The following DLGAP1 variants were observed in gnomAD, a reference collection of about 807,000 sequenced individuals.
DLGAP1 encodes DLG associated protein 1.
A neutral mutation model predicts 90.8 loss-of-function variants in DLGAP1; 11 were observed. That is an observed-to-expected ratio of 0.12 (90% confidence interval 0.08 to 0.20). The LOEUF is 0.20. Ranked by LOEUF, DLGAP1 falls within the 10% of genes least tolerant of loss-of-function variation. The probability of loss-of-function intolerance (pLI) is 1.00; values close to 1 mark genes in which losing one functional copy is unlikely to be tolerated. For synonymous variants in DLGAP1, 558 were observed against 540.7 expected (o/e 1.03, Z -0.44); for missense variants, 1,050 against 1,333.8 (o/e 0.79, Z 3.31).
At chr18:3,559,261 T>A (rs2144964595) in intron 9 of DLGAP1, among the ~76,000 whole-genome samples, 1 of 152,350 alleles carries the variant, frequency 6.6e-6, no homozygotes, top group East Asian at 1.9e-4. Flanking sequence ...TTTTACATTT[T>A]ATTTTCACAT....
At chr18:4,072,448 A>G (rs1167772545) in intron 2 of DLGAP1, among the ~76,000 whole-genome samples, 1 of 150,216 alleles carries the variant, frequency 6.7e-6, no homozygotes, top group Non-Finnish European at 1.5e-5. Context: ...CATGATCAAC[A>G]TCATCATCAT....
chr18:4,230,314 G>T (rs1302611340), intron 1 of DLGAP1, among the ~76,000 whole-genome samples: 1 of 151,952 alleles, frequency 6.6e-6, no homozygotes, highest in Admixed American at 6.6e-5. Context: ...TCGTATTATC[G>T]AAGAGATATC....
intron 2 of DLGAP1, among the ~76,000 whole-genome samples, chr18:4,082,341 C>CAAAAA (rs34416813): frequency 0.19 from 15,121 of 78,306 alleles, 1,905 homozygotes; most frequent in Non-Finnish European, 0.28. Context: ...GACTCCATCT[C>CAAAAA]AAAAAAAAAA....
chr18:3,874,884 G>A (rs985939196), intron 4 of DLGAP1: 17 of 801,206 alleles, frequency 2.1e-5, no homozygotes, highest in African/African-American at 1.6e-4. Context: ...ACAATTGACC[G>A]TATTAACTGG....
chr18:4,434,930 G>A (rs575626915), intron 1 of DLGAP1, among the ~76,000 whole-genome samples: 1 of 152,310 alleles, frequency 6.6e-6, no homozygotes, highest in Non-Finnish European at 1.5e-5. Context: ...ACCTCATGAT[G>A]TAGAGGAGTA....
chr18:3,523,034 G>C (rs932148168), intron 10 of DLGAP1, among the ~76,000 whole-genome samples: 2 of 152,082 alleles, frequency 1.3e-5, no homozygotes, highest in African/African-American at 4.8e-5. Context: ...AAATAAATGA[G>C]ACTGTGTAAA....
intron 1 of DLGAP1, among the ~76,000 whole-genome samples, chr18:4,246,400 CAT>C (rs1194046292): frequency 6.6e-6 from 1 of 152,150 alleles, no homozygotes; most frequent in Non-Finnish European, 1.5e-5. Flanking sequence ...TTTCCAGTAA[CAT>C]AAAAGTGCAC....
intron 2 of DLGAP1, among the ~76,000 whole-genome samples, chr18:4,030,454 A>T (rs987086162): frequency 6.6e-6 from 1 of 152,238 alleles, no homozygotes; most frequent in African/African-American, 2.4e-5. Context: ...TAAGGAATCC[A>T]GGAATGGCCA....
chr18:4,268,266 A>G (rs747253813), intron 1 of DLGAP1, among the ~76,000 whole-genome samples: 11 of 152,248 alleles, frequency 7.2e-5, no homozygotes, highest in Non-Finnish European at 1.6e-4. Flanking sequence ...AGTTATTGGA[A>G]TATGAACATT....
chr18:3,945,284 A>G (rs2072854790), intron 3 of DLGAP1, among the ~76,000 whole-genome samples: 1 of 152,242 alleles, frequency 6.6e-6, no homozygotes, highest in Non-Finnish European at 1.5e-5. Context: ...AACTGTGCCT[A>G]ATAGTTTGCT....
intron 10 of DLGAP1, among the ~76,000 whole-genome samples, chr18:3,529,042 A>G (rs992057778): frequency 3.3e-5 from 5 of 152,300 alleles, no homozygotes; most frequent in East Asian, 1.9e-4. Flanking sequence ...AGAGCTCATC[A>G]TCTGTCACGG....
At chr18:4,135,472 A>C (rs1246260603) in intron 2 of DLGAP1, among the ~76,000 whole-genome samples, 1 of 152,200 alleles carries the variant, frequency 6.6e-6, no homozygotes, top group Non-Finnish European at 1.5e-5. Flanking sequence ...TGCTATTTAA[A>C]CATTTAGTAA....
intron 1 of DLGAP1, among the ~76,000 whole-genome samples, chr18:4,249,447 CAA>C (rs11301773): frequency 0.21 from 21,527 of 102,096 alleles, 1,614 homozygotes; most frequent in Middle Eastern, 0.27. Flanking sequence ...AATGTTCTGG[CAA>C]AAAAAAAAAA....
intron 1 of DLGAP1, among the ~76,000 whole-genome samples, chr18:4,318,004 C>T (rs555008922): frequency 4.6e-5 from 7 of 152,210 alleles, no homozygotes; most frequent in South Asian, 4.2e-4. Flanking sequence ...CGTACCATCA[C>T]GCCCAGATAA....
At chr18:4,081,724 A>G (rs962705274) in intron 2 of DLGAP1, among the ~76,000 whole-genome samples, 1 of 152,082 alleles carries the variant, frequency 6.6e-6, no homozygotes, top group East Asian at 1.9e-4. Flanking sequence ...GTCATCAACC[A>G]TTGCCTTCTG....
chr18:3,874,375 T>C, intron 4 of DLGAP1: 2 of 1,480,424 alleles, frequency 1.4e-6, no homozygotes, highest in South Asian at 2.8e-5. Context: ...GCTGAATGAA[T>C]GCAAAATACA....
intron 1 of DLGAP1, among the ~76,000 whole-genome samples, chr18:4,407,994 C>A (rs2082699947): frequency 6.6e-6 from 1 of 152,170 alleles, no homozygotes; most frequent in Non-Finnish European, 1.5e-5. Flanking sequence ...TGGAGATGAA[C>A]GTGAGTTTTG....
chr18:3,852,374 A>C (rs891744246), intron 4 of DLGAP1, among the ~76,000 whole-genome samples: 1 of 152,200 alleles, frequency 6.6e-6, no homozygotes, highest in African/African-American at 2.4e-5. Context: ...AGAGTGGAGC[A>C]GGATCCATAA....
At chr18:4,058,114 T>C (rs2075248458) in intron 2 of DLGAP1, among the ~76,000 whole-genome samples, 1 of 152,166 alleles carries the variant, frequency 6.6e-6, no homozygotes, top group African/African-American at 2.4e-5. Context: ...GGGTTTCCTC[T>C]GCTTTTTCAA....
Sources: allele counts gnomAD v4.1 joint callset (sites outside exome capture counted in the v4.1 genomes callset), GRCh38; gene constraint gnomAD v4.1.1; transcripts MANE v1.5; gene names NCBI Gene and HGNC (gene_info 2026-07-23, HGNC 2026-07-21).